Variants in AGBL4 observed in about 807,000 individuals in gnomAD.
AGBL4 encodes AGBL carboxypeptidase 4, also known as cytosolic carboxypeptidase 6.
Under a neutral mutation model 66.4 loss-of-function variants are expected in AGBL4, and 58 were observed. That is an observed-to-expected ratio of 0.87 (90% CI 0.71 to 1.09). The LOEUF (loss-of-function observed/expected upper bound fraction) is 1.09. Ranked by LOEUF, AGBL4 falls within the 50% of genes least tolerant of loss-of-function variation. The probability of loss-of-function intolerance (pLI) is 0.00; values close to 1 mark genes in which losing one functional copy is unlikely to be tolerated. For synonymous variants in AGBL4, 234 were observed against 222.9 expected, an observed-to-expected ratio of 1.05 and a Z score of -0.44; for missense variants, 579 against 631.0, an observed-to-expected ratio of 0.92 and a Z score of 0.88.
intron 3 of AGBL4, among the ~76,000 whole-genome samples, chr1:49,285,899 G>A (rs1202570310): frequency 6.6e-6 from 1 of 152,136 alleles, no homozygotes; most frequent in Non-Finnish European, 1.5e-5. Flanking sequence ...GCCGGGCAGA[G>A]ACACAACCAA....
chr1:48,890,901 G>A (rs1332260497), intron 5 of AGBL4, among the ~76,000 whole-genome samples: 2 of 152,082 alleles, frequency 1.3e-5, no homozygotes, highest in South Asian at 4.2e-4. Context: ...AGAACTGATC[G>A]GAACCAATAA....
At chr1:48,788,757 T>G (rs1645468294) in intron 6 of AGBL4, among the ~76,000 whole-genome samples, 1 of 152,228 alleles carries the variant, frequency 6.6e-6, no homozygotes, top group Admixed American at 6.5e-5. Context: ...TAAGACTGTC[T>G]TATTTGTTCA....
chr1:49,185,955 C>T (rs764174215), intron 4 of AGBL4, among the ~76,000 whole-genome samples: 1 of 152,062 alleles, frequency 6.6e-6, no homozygotes, highest in Non-Finnish European at 1.5e-5. Context: ...GCCCTGTGCC[C>T]GGGTACTTTC....
intron 3 of AGBL4, among the ~76,000 whole-genome samples, chr1:49,490,692 G>A (rs185319289): frequency 6.6e-6 from 1 of 151,718 alleles, no homozygotes; most frequent in African/African-American, 2.4e-5. Flanking sequence ...GAATAATTCT[G>A]ATTTGCTTTG....
At chr1:48,966,717 G>C (rs186000459) in intron 5 of AGBL4, among the ~76,000 whole-genome samples, 3 of 152,006 alleles carry the variant, frequency 2.0e-5, no homozygotes, top group Non-Finnish European at 2.9e-5. Context: ...AAGCCTGTAA[G>C]AGACTTTTTT....
At chr1:48,585,408 G>A (rs1644803319) in intron 11 of AGBL4, 1 of 152,212 alleles carries the variant, frequency 6.6e-6, no homozygotes, top group South Asian at 2.1e-4. Flanking sequence ...CAAGTACAAT[G>A]TGGAATGAAG....
intron 6 of AGBL4, among the ~76,000 whole-genome samples, chr1:48,820,086 T>C (rs1226452857): frequency 6.6e-6 from 1 of 152,244 alleles, no homozygotes; most frequent in Non-Finnish European, 1.5e-5. Flanking sequence ...ATTTCTACTT[T>C]ACAGGTGGAA....
At chr1:49,957,877 T>C (rs1656758172) in intron 1 of AGBL4, among the ~76,000 whole-genome samples, 1 of 152,068 alleles carries the variant, frequency 6.6e-6, no homozygotes, top group Non-Finnish European at 1.5e-5. Flanking sequence ...TTAATATTGT[T>C]ATGTGTGAAT....
In AGBL4 at chr1:49,529,921, ACT is replaced by A. The variant is rs531487241; in HGVS notation, c.282+167390_282+167391del. Among the ~76,000 whole-genome samples, 168 of 151,810 alleles carry A rather than the reference ACT, an allele frequency of 1.1e-3. 1 individual carries two copies. Among genetic ancestry groups the A allele is most frequent in the African/African-American group, 3.9e-3 (163 of 41,464 alleles). On this transcript the variant is annotated intron_variant, in intron 3 of 13. Coordinates refer to ENST00000371839, the MANE Select transcript of AGBL4 (RefSeq NM_032785.4). ...CAGCAGAGCGGGGGTAAGAGAAGAAACTCTGAGATATTTAAGAGGTGAAAGAG... is the reference window on the plus strand; with the variant it reads ...CAGCAGAGCGGGGGTAAGAGAAGAAACTGAGATATTTAAGAGGTGAAAGAG...
intron 3 of AGBL4, among the ~76,000 whole-genome samples, chr1:49,284,089 G>A (rs1417381869): frequency 2.6e-5 from 4 of 151,606 alleles, no homozygotes; most frequent in Admixed American, 2.6e-4. Flanking sequence ...AAGTTGAAAT[G>A]AAGGAAAAAA....
At chr1:49,367,016 G>A (rs562239914) in intron 3 of AGBL4, among the ~76,000 whole-genome samples, 2 of 152,302 alleles carry the variant, frequency 1.3e-5, no homozygotes, top group East Asian at 3.9e-4. Context: ...TGAATGCTAG[G>A]CTTTGGCATG....
At chr1:48,673,346 G>A (rs373688083) in intron 6 of AGBL4, among the ~76,000 whole-genome samples, 1 of 151,052 alleles carries the variant, frequency 6.6e-6, no homozygotes. Context: ...AAGTTTCCTT[G>A]TAGGCCTGGG....
intron 5 of AGBL4, among the ~76,000 whole-genome samples, chr1:48,984,684 C>T (rs1660043215): frequency 6.6e-6 from 1 of 151,558 alleles, no homozygotes; most frequent in Admixed American, 6.6e-5. Context: ...TATATGTTCC[C>T]ATGAAACACA....
chr1:48,728,098 C>T, intron 6 of AGBL4: 1 of 1,506,574 alleles, frequency 6.6e-7, no homozygotes, highest in South Asian at 1.3e-5. Flanking sequence ...AAGTAAAAAT[C>T]TTTTAAGGAG....
At chr1:49,973,122 G>A (rs1389847149) in intron 1 of AGBL4, among the ~76,000 whole-genome samples, 1 of 152,096 alleles carries the variant, frequency 6.6e-6, no homozygotes, top group Non-Finnish European at 1.5e-5. Flanking sequence ...AGAGACAGGT[G>A]CCCTTTGAGT....
In AGBL4 at chr1:48,571,415, C is replaced by T. The variant is rs554014458; in HGVS notation, c.1267+15589G>A. On this transcript the variant is annotated intron_variant, in intron 11 of 13. Transcript: ENST00000371839. ...AGGATGGTGTGAAGGATGCACTTTA[C>T]TCACATTTGCCTTGGTGTAGTGTCT... Among the ~76,000 whole-genome samples the T allele has an allele frequency of 3.9e-5, 6 of 152,364 alleles. No homozygotes were observed. In the East Asian group the frequency reaches 1.2e-3, roughly 29 times the overall value.
intron 3 of AGBL4, among the ~76,000 whole-genome samples, chr1:49,367,712 G>GA (rs1280427794): frequency 2.0e-5 from 3 of 151,984 alleles, no homozygotes; most frequent in East Asian, 3.9e-4. Flanking sequence ...GACGGAGGAA[G>GA]AAAAAAATGT....
At chr1:49,912,716 A>G (rs1241367567) in intron 1 of AGBL4, among the ~76,000 whole-genome samples, 8 of 152,312 alleles carry the variant, frequency 5.3e-5, no homozygotes, top group East Asian at 1.9e-4. Context: ...ATAACAGAAT[A>G]CCACAGACTA....
intron 3 of AGBL4, among the ~76,000 whole-genome samples, chr1:49,568,789 T>C (rs933019950): frequency 1.3e-5 from 2 of 152,200 alleles, no homozygotes; most frequent in African/African-American, 2.4e-5. Context: ...CAAAACAGCA[T>C]GGTACTGGTA....
Sources: allele counts gnomAD v4.1 joint callset (sites outside exome capture counted in the v4.1 genomes callset), GRCh38; gene constraint gnomAD v4.1.1; transcripts MANE v1.5; gene names NCBI Gene and HGNC (gene_info 2026-07-23, HGNC 2026-07-21).